ZNF717: variants seen among roughly 807,000 people sequenced by gnomAD.
ZNF717 encodes zinc finger protein 717.
Under a neutral mutation model 13.8 loss-of-function variants are expected in ZNF717, and 9 were observed. The ratio of observed to expected loss-of-function variants is 0.65; its 90% CI spans 0.39 to 1.14. ZNF717 has a LOEUF of 1.14. ZNF717 is among the 50% of genes most tolerant of loss of function. The pLI is 0.01. For synonymous variants in ZNF717, 327 were observed against 364.1 expected, an observed-to-expected ratio of 0.90 and a Z score of 1.16; for missense variants, 1,040 against 1,080.7, an observed-to-expected ratio of 0.96 and a Z score of 0.53.
downstream of ZNF717, among the ~76,000 whole-genome samples, chr3:75,726,160 A>G (rs1575725140): frequency 6.6e-6 from 1 of 152,284 alleles, no homozygotes; most frequent in East Asian, 1.9e-4. Context: ...TGTGCTCTTC[A>G]CAATGAAGAT....
At chr3:75,732,236 C>G (rs1202092207), downstream of ZNF717, 2 of 658,630 alleles carry the variant, frequency 3.0e-6, no homozygotes, top group African/African-American at 3.6e-5. Flanking sequence ...CTCATATAAC[C>G]AGATCCTAAA....
chr3:75,783,272 G>C, intron 2 of ZNF717, 34 bp downstream of exon 2: 1 of 1,510,036 alleles, frequency 6.6e-7, no homozygotes, highest in Non-Finnish European at 9.0e-7. Context: ...AAAATACAGT[G>C]TAAAACAAAG....
At chr3:75,746,568 G>A (rs1340325494) in intron 2 of ZNF717, among the ~76,000 whole-genome samples, 1 of 151,998 alleles carries the variant, frequency 6.6e-6, no homozygotes, top group Non-Finnish European at 1.5e-5. Flanking sequence ...TTTAATGATC[G>A]CCATTCTAAC....
intron 6 of ZNF717, among the ~76,000 whole-genome samples, chr3:75,697,822 G>A (rs1300823803): frequency 6.6e-6 from 1 of 152,298 alleles, no homozygotes; most frequent in African/African-American, 2.4e-5. Flanking sequence ...GTAGGATTCA[G>A]AAGAAGACAG....
rs1575723588 is a variant in ZNF717, at chr3:75,723,626, G to GGACTCGA, written n.545-7086_545-7085insTCGAGTC. On this transcript the variant is annotated intron_variant and non_coding_transcript_variant, in intron 4 of 5. Coordinates refer to the ZNF717 transcript ENST00000491507. ...TCCATACAGAGATAGGAGCTGAAGG[G>GGACTCGA]ACATGGTGAGAAGTGACCAGGAGAC... Among the ~76,000 whole-genome samples, 19 of 152,318 alleles carry GGACTCGA rather than the reference G, an allele frequency of 1.2e-4. No individual in the cohort carries two copies. The East Asian group carries it at 3.5e-3, about 28-fold the overall frequency.
chr3:75,781,325 C>T (rs112708916), intron 2 of ZNF717, among the ~76,000 whole-genome samples: 3 of 152,226 alleles, frequency 2.0e-5, no homozygotes, highest in Non-Finnish European at 2.9e-5. Flanking sequence ...CTTCTGATTT[C>T]GGTATGCCAC....
chr3:75,757,933 T>A (rs1201614361), intron 2 of ZNF717, among the ~76,000 whole-genome samples: 2 of 146,430 alleles, frequency 1.4e-5, no homozygotes, highest in African/African-American at 5.0e-5. Context: ...GCCAACATAG[T>A]GAAACCCTGT....
At chr3:75,749,322 C>G (rs1941469157) in intron 2 of ZNF717, among the ~76,000 whole-genome samples, 1 of 151,946 alleles carries the variant, frequency 6.6e-6, no homozygotes, top group Admixed American at 6.6e-5. Context: ...ACATAGAATT[C>G]CAGAACACTG....
rs796086701 is a variant in ZNF717 at position 75,736,663 on chromosome 3, C to G, written c.*215G>C. 11,257 of 528,308 alleles carry G rather than the reference C, an allele frequency of 0.021. No homozygotes were observed. The highest frequency in any genetic ancestry group is 0.11 in the South Asian group (3,024 of 27,294). The allele number at this position is 528,308 out of a possible 1,614,324, so 32.7% of individuals were successfully genotyped here. On this transcript the variant is annotated 3_prime_UTR_variant, in exon 5 of 5. Transcript: ENST00000652011. ...AAGCTGGCAGAGGTTGGTATATGAG[C>G]TTCTAGGAAAACAGCCATATCTGTG...
At chr3:75,750,393 G>GC (rs1941648059) in intron 2 of ZNF717, among the ~76,000 whole-genome samples, 1 of 148,474 alleles carries the variant, frequency 6.7e-6, no homozygotes, top group African/African-American at 2.5e-5. Context: ...TATGTTACGA[G>GC]AGTCTGAATG....
chr3:75,739,179 A>G lies in ZNF717; in HGVS notation c.444T>C (p.Asn148=), dbSNP rs1940002224. 6.4e-7 allele frequency: 1 copy of G among 1,551,216 alleles called. No homozygotes were observed. Among genetic ancestry groups the G allele is most frequent in the East Asian group, 2.4e-5 (1 of 40,910 alleles). ...CAGGCTTCATTCCTGAACTGTTTCC[A>G]TTATTTATAATCAGATTTAAAACAT... ...SNHVLNLIIN[N]GNSSGMKPGQ... The change falls in exon 5 of 5, where the codon AAT becomes AAC. Residue 148 remains asparagine, a synonymous_variant. Coordinates refer to ENST00000652011, the MANE Select transcript of ZNF717 (RefSeq NM_001290208.3).
chr3:75,767,265 C>CACACACT (rs1575929833), intron 2 of ZNF717, among the ~76,000 whole-genome samples: 3 of 151,994 alleles, frequency 2.0e-5, no homozygotes, highest in Admixed American at 1.3e-4. Flanking sequence ...TAGTGAGCCA[C>CACACACT]CCTGCACACC....
chr3:75,765,263 C>T (rs77675070), intron 2 of ZNF717, among the ~76,000 whole-genome samples: 4,117 of 76,908 alleles, frequency 0.054, no homozygotes, highest in Middle Eastern at 0.1. Flanking sequence ...GGGTATAGAG[C>T]TTTCCAAGAT....
chr3:75,759,151 T>G (rs1014888216), intron 2 of ZNF717, among the ~76,000 whole-genome samples: 2 of 152,146 alleles, frequency 1.3e-5, no homozygotes, highest in Non-Finnish European at 2.9e-5. Context: ...CAAAAGAAAT[T>G]GTATAACTCA....
chr3:75,747,582 T>C (rs1156769924), intron 2 of ZNF717, among the ~76,000 whole-genome samples: 5 of 152,170 alleles, frequency 3.3e-5, no homozygotes, highest in African/African-American at 1.2e-4. Flanking sequence ...TCACAACCAT[T>C]GTAAGTTGGA....
intron 2 of ZNF717, among the ~76,000 whole-genome samples, chr3:75,761,431 G>A (rs1467998739): frequency 6.6e-5 from 10 of 152,248 alleles, no homozygotes; most frequent in Admixed American, 6.5e-4. Context: ...ATACTCAATG[G>A]TGAAAAACTA....
chr3:75,768,541 G>T (rs1330180868), intron 2 of ZNF717, among the ~76,000 whole-genome samples: 2 of 151,200 alleles, frequency 1.3e-5, no homozygotes, highest in Non-Finnish European at 2.9e-5. Flanking sequence ...GGCTGAGTGT[G>T]TGGGGGGGTA....
chr3:75,779,111 G>C (rs1944591538), intron 2 of ZNF717, among the ~76,000 whole-genome samples: 2 of 151,902 alleles, frequency 1.3e-5, no homozygotes, highest in African/African-American at 4.8e-5. Flanking sequence ...AAAACAATGG[G>C]ATTGACGTGC....
exon 6 of ZNF717, chr3:75,730,258 G>A (rs1938447259): frequency 5.5e-6 from 1 of 181,098 alleles, no homozygotes; most frequent in African/African-American, 2.3e-5. Flanking sequence ...GAATGGGAAA[G>A]GGCTTAAGAG....
Sources: allele counts gnomAD v4.1 joint callset (sites outside exome capture counted in the v4.1 genomes callset), GRCh38; gene constraint gnomAD v4.1.1; transcripts MANE v1.5; gene names NCBI Gene and HGNC (gene_info 2026-07-23, HGNC 2026-07-21).